Variants in RSBN1L observed in about 807,000 individuals in gnomAD.
RSBN1L encodes round spermatid basic protein 1 like.
A neutral mutation model predicts 67.7 loss-of-function variants in RSBN1L; 30 were observed. The ratio of observed to expected loss-of-function variants is 0.44; its 90% CI spans 0.33 to 0.60. RSBN1L has a LOEUF of 0.60. Among genes scored for constraint, RSBN1L ranks in the 20% least tolerant of loss-of-function variants. The probability of loss-of-function intolerance (pLI) is 0.02; values close to 1 mark genes in which losing one functional copy is unlikely to be tolerated. For missense variants in RSBN1L, 992 were observed against 1,031.7 expected (o/e 0.96, Z 0.53); for synonymous variants, 433 against 387.0 (o/e 1.12, Z -1.39).
chr7:77,773,512 C>T (rs560809152), intron 6 of RSBN1L, 198 bp downstream of exon 6: 15 of 366,720 alleles, frequency 4.1e-5, no homozygotes, highest in East Asian at 3.1e-4. Flanking sequence ...CACCTGTAAT[C>T]GCAGCACTTT....
At chr7:77,761,800 G>A (rs906225010) in intron 3 of RSBN1L, among the ~76,000 whole-genome samples, 1 of 151,974 alleles carries the variant, frequency 6.6e-6, no homozygotes, top group Non-Finnish European at 1.5e-5. Context: ...TATAGTTAAA[G>A]GTTATATTAC....
At chr7:77,716,888 C>T (rs1018035615) in intron 1 of RSBN1L, among the ~76,000 whole-genome samples, 19 of 151,864 alleles carry the variant, frequency 1.3e-4, no homozygotes, top group Non-Finnish European at 2.9e-5. Context: ...GCCTTGGCCT[C>T]CCAAAGTGCT....
chr7:77,770,636 A>T (rs1012147556), intron 5 of RSBN1L, among the ~76,000 whole-genome samples: 2 of 151,240 alleles, frequency 1.3e-5, no homozygotes, highest in Non-Finnish European at 3.0e-5. Flanking sequence ...AGCTATGAGT[A>T]CATCACTGCA....
At chr7:77,717,798 A>G (rs1166132924) in intron 1 of RSBN1L, among the ~76,000 whole-genome samples, 1 of 152,154 alleles carries the variant, frequency 6.6e-6, no homozygotes, top group Non-Finnish European at 1.5e-5. Context: ...TGGGCGGATC[A>G]CCTGAGGTCA....
intron 1 of RSBN1L, among the ~76,000 whole-genome samples, chr7:77,704,847 C>T (rs905149578): frequency 5.3e-5 from 8 of 152,020 alleles, no homozygotes; most frequent in African/African-American, 9.7e-5. Flanking sequence ...TGTCGGGCGC[C>T]TGTTATCCCA....
intron 6 of RSBN1L, 146 bp from the exon 7 acceptor site, chr7:77,778,192 A>T: frequency 1.9e-6 from 1 of 532,062 alleles, no homozygotes; most frequent in Non-Finnish European, 3.3e-6. Context: ...TAAATATGTG[A>T]AATGGCTTTC....
chr7:77,697,076 G>A, intron 1 of RSBN1L, 21 bp downstream of exon 1: 2 of 1,379,012 alleles, frequency 1.5e-6, no homozygotes, highest in Non-Finnish European at 1.9e-6. Flanking sequence ...TGCGGGGAGG[G>A]GGAGGGGAGG....
intron 3 of RSBN1L, among the ~76,000 whole-genome samples, chr7:77,758,707 C>T (rs1412916410): frequency 6.6e-6 from 1 of 152,144 alleles, no homozygotes; most frequent in Non-Finnish European, 1.5e-5. Context: ...TTGCAGTTGA[C>T]CACGTTCGTT....
chr7:77,756,990 A>G (rs1791628497), intron 3 of RSBN1L, among the ~76,000 whole-genome samples: 1 of 152,182 alleles, frequency 6.6e-6, no homozygotes, highest in Non-Finnish European at 1.5e-5. Context: ...TAGCTGTGGA[A>G]CCCAAACCAA....
At chr7:77,755,693 C>T (rs1345612016) in intron 3 of RSBN1L, among the ~76,000 whole-genome samples, 1 of 151,680 alleles carries the variant, frequency 6.6e-6, no homozygotes, top group African/African-American at 2.4e-5. Context: ...AAAAAACAAA[C>T]AACCTCTGAT....
rs779531960 is a variant in RSBN1L, at chr7:77,725,244, C to CTTTTTTTT, written c.587-11152_587-11145dup. ...TTCTTCCCTAGGGATAAGCCCCCCA[C>CTTTTTTTT]TTTTTTTTTTTTTTTTTTTTTGAGA... On this transcript the variant is annotated intron_variant, in intron 1 of 7. Coordinates refer to ENST00000334955, the MANE Select transcript of RSBN1L (RefSeq NM_198467.3). Among the ~76,000 whole-genome samples, 30 of 73,642 alleles carry CTTTTTTTT rather than the reference C, an allele frequency of 4.1e-4. 2 individuals carry two copies. The South Asian group carries it at 5.0e-3, about 12-fold the overall frequency. 48.3% of individuals were successfully genotyped at this position (73,642 alleles called of 152,430 possible).
chr7:77,750,346 G>C (rs1791541602), intron 3 of RSBN1L, among the ~76,000 whole-genome samples: 1 of 125,002 alleles, frequency 8.0e-6, no homozygotes. Flanking sequence ...TGAACCTAAG[G>C]AAATGAATTT....
chr7:77,778,297 G>A, intron 6 of RSBN1L, 41 bp from the exon 7 acceptor site: 2 of 1,371,558 alleles, frequency 1.5e-6, no homozygotes, highest in Middle Eastern at 1.8e-4. Context: ...AAAGAGTGAA[G>A]CATTTATGGC....
chr7:77,738,755 C>T (rs1791368235), intron 2 of RSBN1L, among the ~76,000 whole-genome samples: 2 of 151,988 alleles, frequency 1.3e-5, no homozygotes, highest in Admixed American at 1.3e-4. Context: ...CAAGACCAGC[C>T]TGGCCAAGTT....
At chr7:77,764,741 C>G (rs1584301702) in intron 3 of RSBN1L, among the ~76,000 whole-genome samples, 1 of 152,048 alleles carries the variant, frequency 6.6e-6, no homozygotes, top group East Asian at 1.9e-4. Context: ...ATTCTCCTGC[C>G]TCAGCCTCCC....
chr7:77,780,580 C>A lies in RSBN1L; in HGVS notation c.*1412C>A, dbSNP rs1489223837. On this transcript the variant is annotated 3_prime_UTR_variant, in exon 8 of 8. Coordinates refer to ENST00000334955, the MANE Select transcript of RSBN1L (RefSeq NM_198467.3). ...TTAAAATCCTTTTACATTTTTCTTG[C>A]AGAATGGGAGAAAAATATGGCAAAT... 6.6e-6 allele frequency: 1 copy of A among 151,992 alleles called. No individual in the cohort carries two copies. Among genetic ancestry groups the A allele is most frequent in the Non-Finnish European group, 1.5e-5 (1 of 67,996 alleles). 9.4% of individuals were successfully genotyped at this position (151,992 alleles called of 1,614,324 possible). A position where few individuals can be genotyped will look rare whatever the true frequency, so the allele number is the denominator to read the frequency against.
intron 5 of RSBN1L, among the ~76,000 whole-genome samples, chr7:77,769,460 C>T (rs1192533129): frequency 6.6e-6 from 1 of 152,144 alleles, no homozygotes; most frequent in Non-Finnish European, 1.5e-5. Context: ...AAAACAAAGG[C>T]AGAGCCCCTA....
At chr7:77,735,376 G>A (rs1477028414) in intron 1 of RSBN1L, among the ~76,000 whole-genome samples, 1 of 152,082 alleles carries the variant, frequency 6.6e-6, no homozygotes, top group Non-Finnish European at 1.5e-5. Flanking sequence ...AAATTATAAT[G>A]TGTTGGATCC....
intron 3 of RSBN1L, among the ~76,000 whole-genome samples, chr7:77,757,377 A>G (rs1485975751): frequency 6.6e-6 from 1 of 152,196 alleles, no homozygotes; most frequent in Non-Finnish European, 1.5e-5. Flanking sequence ...GTGGTATTAT[A>G]TATATTTTAA....
Sources: allele counts gnomAD v4.1 joint callset (sites outside exome capture counted in the v4.1 genomes callset), GRCh38; gene constraint gnomAD v4.1.1; transcripts MANE v1.5; gene names NCBI Gene and HGNC (gene_info 2026-07-23, HGNC 2026-07-21).